GAB2: variants seen among roughly 807,000 people sequenced by gnomAD.
GAB2 encodes GRB2 associated binding protein 2.
GAB2 carries 26 observed loss-of-function variants against 65.5 expected under a neutral mutation model. The observed-to-expected ratio is 0.40, with a 90% CI of 0.29 to 0.55. The LOEUF (loss-of-function observed/expected upper bound fraction) is 0.55. GAB2 is among the 20% of genes least tolerant of loss of function. The pLI is 0.53. For synonymous variants in GAB2, 321 were observed against 329.6 expected (o/e 0.97, Z 0.28); for missense variants, 884 against 875.8 (o/e 1.01, Z -0.12).
intron 1 of GAB2, chr11:78,363,892 C>T (rs1412643942): frequency 1.3e-5 from 2 of 152,000 alleles, no homozygotes; most frequent in Non-Finnish European, 2.9e-5. Flanking sequence ...CTTAGAAATA[C>T]ATTTTCTTAA....
intron 1 of GAB2, among the ~76,000 whole-genome samples, chr11:78,310,747 C>G (rs931053850): frequency 1.3e-5 from 2 of 152,128 alleles, no homozygotes; most frequent in African/African-American, 4.8e-5. Flanking sequence ...CACTGTCCTT[C>G]AGTCTCTGAT....
At chr11:78,327,024 C>G (rs552145784) in intron 1 of GAB2, among the ~76,000 whole-genome samples, 1 of 152,294 alleles carries the variant, frequency 6.6e-6, no homozygotes, top group East Asian at 1.9e-4. Context: ...TTAACCACAG[C>G]AGGTAAGCCA....
At chr11:78,229,867 C>T (rs908773062) in intron 3 of GAB2, among the ~76,000 whole-genome samples, 1 of 152,192 alleles carries the variant, frequency 6.6e-6, no homozygotes, top group African/African-American at 2.4e-5. Context: ...CTGGCAAGTT[C>T]CTACTCCATT....
intron 2 of GAB2, among the ~76,000 whole-genome samples, chr11:78,267,654 C>A (rs577742537): frequency 4.6e-5 from 7 of 151,590 alleles, no homozygotes; most frequent in Non-Finnish European, 7.4e-5. Flanking sequence ...GTCAGGAGAT[C>A]GAGACCATCC....
At position 78,226,826 on chromosome 11, in the gene GAB2, G is replaced by A. The variant is rs778402818; in HGVS notation, c.846C>T (p.Leu282=). 4.3e-6 allele frequency: 7 copies of A among 1,614,046 alleles called. No homozygotes were observed. In the South Asian group the frequency reaches 6.6e-5, roughly 15 times the overall value. ...LASHGHTKGS[L]TGSETDNEDV... ...CCTCATTATCTGTCTCGGAGCCTGT[G>A]AGGCTGCCCTTGGTGTGGCCATGGG... is the stretch of plus-strand genomic sequence containing the variant. Residue 282 remains leucine (L), a synonymous_variant, in exon 4 of 10, where the codon CTC becomes CTT. Transcript: ENST00000361507.
At chr11:78,232,640 C>T (rs1864876503) in intron 3 of GAB2, among the ~76,000 whole-genome samples, 2 of 152,166 alleles carry the variant, frequency 1.3e-5, no homozygotes, top group Admixed American at 6.5e-5. Flanking sequence ...TGAAGGAAGA[C>T]TAGTGGCTAT....
intron 1 of GAB2, among the ~76,000 whole-genome samples, chr11:78,411,757 C>T (rs1366108945): frequency 1.3e-5 from 2 of 151,712 alleles, no homozygotes; most frequent in Non-Finnish European, 1.5e-5. Context: ...GGAAAGCCGG[C>T]GCAGTGGCTC....
intron 1 of GAB2, among the ~76,000 whole-genome samples, chr11:78,356,827 A>T (rs930826910): frequency 2.0e-5 from 3 of 152,250 alleles, no homozygotes; most frequent in Non-Finnish European, 2.9e-5. Context: ...CCTTAAAAGG[A>T]ATGGCATTCT....
intron 3 of GAB2, among the ~76,000 whole-genome samples, chr11:78,247,013 A>G (rs1467820912): frequency 1.3e-5 from 2 of 152,130 alleles, no homozygotes; most frequent in African/African-American, 2.4e-5. Flanking sequence ...AGCTCTCTTC[A>G]TTCTGGAATA....
Position 78,226,566 on chromosome 11 carries a change from G to A in GAB2, c.1106C>T (p.Pro369Leu), listed in dbSNP as rs750708112. 1 of 1,596,610 alleles carries A rather than the reference G, an allele frequency of 6.3e-7. No individual in the cohort carries two copies. The highest frequency in any genetic ancestry group is 8.5e-7 in the Non-Finnish European group (1 of 1,170,374). ...TTCACTGATTGGCGGTCTCTGCTGAGGACTGCCCCATCGAGGTGTTTCTGC... is the reference window on the plus strand; with the variant it reads ...TTCACTGATTGGCGGTCTCTGCTGAAGACTGCCCCATCGAGGTGTTTCTGC... ...SQAETPRWGS[P>L]QQRPPISENS... The change falls in exon 4 of 10, where the codon CCT (proline) becomes CTT (leucine). Residue 369 changes from proline (P) to leucine (L), a missense_variant. Pro to Leu is a moderately conservative substitution (Grantham distance 98). Transcript: ENST00000361507.
chr11:78,300,919 T>C (rs1219611481), intron 1 of GAB2, among the ~76,000 whole-genome samples: 1 of 152,162 alleles, frequency 6.6e-6, no homozygotes, highest in African/African-American at 2.4e-5. Context: ...AGTCTCCAAC[T>C]CCTGACCTCA....
In GAB2 at chr11:78,302,386, A is replaced by T. The variant is rs556187516; in HGVS notation, c.76-21485T>A. On this transcript the variant is annotated intron_variant, in intron 1 of 9. Coordinates refer to ENST00000361507, the MANE Select transcript of GAB2 (RefSeq NM_080491.3). ...AGTGAGCTAAGGACACTAACAGACA[A>T]TTCTCAAAAGAAGATATGCAAATGG... Among the ~76,000 whole-genome samples, 4 of 152,318 alleles carry T rather than the reference A, an allele frequency of 2.6e-5. No homozygotes were observed. In the East Asian group the frequency reaches 7.7e-4, roughly 29 times the overall value.
At chr11:78,269,299 G>T (rs1329565648) in intron 2 of GAB2, among the ~76,000 whole-genome samples, 1 of 152,098 alleles carries the variant, frequency 6.6e-6, no homozygotes. Flanking sequence ...TCTGATTTCA[G>T]TTAATAAAAC....
chr11:78,307,604 T>TACAGAGAGAG (rs1554986626), intron 1 of GAB2, among the ~76,000 whole-genome samples: 18 of 121,884 alleles, frequency 1.5e-4, no homozygotes, highest in Admixed American at 2.4e-4. Context: ...CAAAAAATGT[T>TACAGAGAGAG]AGAGAGAGAG....
intron 3 of GAB2, among the ~76,000 whole-genome samples, chr11:78,230,531 C>T (rs1864811236): frequency 6.6e-6 from 1 of 152,272 alleles, no homozygotes; most frequent in African/African-American, 2.4e-5. Flanking sequence ...TCGCAACACT[C>T]ACCTTATTCT....
At chr11:78,312,311 A>T (rs1855516020) in intron 1 of GAB2, among the ~76,000 whole-genome samples, 1 of 152,052 alleles carries the variant, frequency 6.6e-6, no homozygotes, top group South Asian at 2.1e-4. Context: ...CACCACCACC[A>T]CAACAAAAAC....
intron 9 of GAB2, among the ~76,000 whole-genome samples, chr11:78,219,749 C>A (rs552455819): frequency 6.6e-6 from 1 of 152,306 alleles, no homozygotes; most frequent in South Asian, 2.1e-4. Context: ...GGTCGCTCAT[C>A]CAGGGGAAGG....
At chr11:78,287,649 ATT>A (rs368184721) in intron 1 of GAB2, among the ~76,000 whole-genome samples, 24 of 136,678 alleles carry the variant, frequency 1.8e-4, no homozygotes, top group Admixed American at 1.5e-4. Flanking sequence ...TGCTCTTATC[ATT>A]TTTTTTTTTT....
intron 2 of GAB2, among the ~76,000 whole-genome samples, chr11:78,251,773 C>G (rs547530530): frequency 1.4e-4 from 21 of 152,324 alleles, no homozygotes; most frequent in African/African-American, 5.1e-4. Context: ...CAGCACTTGG[C>G]CCATGCTCCC....
Sources: allele counts gnomAD v4.1 joint callset (sites outside exome capture counted in the v4.1 genomes callset), GRCh38; gene constraint gnomAD v4.1.1; transcripts MANE v1.5; gene names NCBI Gene and HGNC (gene_info 2026-07-23, HGNC 2026-07-21).